PAWR: variants seen among roughly 807,000 people sequenced by gnomAD.
PAWR encodes pro-apoptotic WT1 regulator.
In PAWR, 23 loss-of-function variants were observed where a neutral mutation model predicts 32.0. The observed-to-expected ratio is 0.72, with a 90% CI of 0.52 to 1.02. PAWR has a LOEUF of 1.02. Ranked by LOEUF, PAWR falls within the 50% of genes least tolerant of loss-of-function variation. The probability of loss-of-function intolerance (pLI) is 0.00; values close to 1 mark genes in which losing one functional copy is unlikely to be tolerated. For missense variants in PAWR, 457 were observed against 437.7 expected (o/e 1.04, Z -0.39); for synonymous variants, 226 against 187.1 (o/e 1.21, Z -1.70).
At chr12:79,684,648 G>C (rs954896464) in intron 2 of PAWR, among the ~76,000 whole-genome samples, 1 of 151,756 alleles carries the variant, frequency 6.6e-6, no homozygotes, top group Admixed American at 6.6e-5. Context: ...AAAAAACAAA[G>C]AAAATAGTAT....
chr12:79,602,646 T>C (rs755893235), intron 4 of PAWR, among the ~76,000 whole-genome samples: 7 of 152,220 alleles, frequency 4.6e-5, no homozygotes, highest in Non-Finnish European at 8.8e-5. Context: ...TGTCAACTAC[T>C]GAAATCCATC....
intron 4 of PAWR, among the ~76,000 whole-genome samples, chr12:79,608,666 C>T (rs1213000181): frequency 6.6e-6 from 1 of 152,188 alleles, no homozygotes; most frequent in Non-Finnish European, 1.5e-5. Context: ...ATTTAGTTTA[C>T]TGAACCATCT....
At chr12:79,619,286 C>T (rs941130022) in intron 3 of PAWR, among the ~76,000 whole-genome samples, 1 of 152,106 alleles carries the variant, frequency 6.6e-6, no homozygotes, top group Non-Finnish European at 1.5e-5. Flanking sequence ...GTTGTGGTAT[C>T]CCAGTGATTG....
intron 2 of PAWR, among the ~76,000 whole-genome samples, chr12:79,683,602 C>G (rs1878544783): frequency 6.7e-6 from 1 of 150,168 alleles, no homozygotes; most frequent in Non-Finnish European, 1.5e-5. Context: ...GCAGTGGAAA[C>G]TCCTTTTTTT....
intron 4 of PAWR, among the ~76,000 whole-genome samples, chr12:79,608,174 C>T (rs1418940950): frequency 1.3e-5 from 2 of 152,032 alleles, no homozygotes; most frequent in Non-Finnish European, 2.9e-5. Flanking sequence ...AAACTTGAAC[C>T]GGTTCTAGTC....
At chr12:79,688,383 C>A (rs887378252) in intron 2 of PAWR, 2 of 150,512 alleles carry the variant, frequency 1.3e-5, no homozygotes, top group African/African-American at 2.4e-5. Flanking sequence ...TTTGGATCAT[C>A]AGCTACTTTT....
chr12:79,689,791 C>A lies in PAWR; in HGVS notation c.454G>T (p.Glu152Ter). 6.3e-7 allele frequency: 1 copy of A among 1,594,856 alleles called. No individual in the cohort carries two copies. ...CGCTTCTCCCGCAGCTTCCTCTTCTCGATCTGCCCCTTGCCTTTCCTGGCA... is the reference window on the plus strand; with the variant it reads ...CGCTTCTCCCGCAGCTTCCTCTTCTAGATCTGCCCCTTGCCTTTCCTGGCA... ...PSARKGKGQI[E>*]KRKLREKRRS... The change falls in exon 2 of 7, where the codon GAG becomes TAG. Residue 152 changes from glutamate to a stop codon, truncating the protein, a stop_gained. Coordinates refer to ENST00000328827, the MANE Select transcript of PAWR (RefSeq NM_002583.4). LOFTEE classifies it high-confidence loss of function.
At position 79,607,917 on chromosome 12, in the gene PAWR, C is replaced by T. The variant is rs182529146; in HGVS notation, c.683+5658G>A. Reference sequence around the variant, plus strand: ...ATACAAAATTAACCGGGCATGGGGGCGCATGCCTGTAATCCCAGCTACTCA... The same window carrying T: ...ATACAAAATTAACCGGGCATGGGGGTGCATGCCTGTAATCCCAGCTACTCA... On this transcript the variant is annotated intron_variant, in intron 4 of 6. Coordinates refer to ENST00000328827, the MANE Select transcript of PAWR (RefSeq NM_002583.4). 1.4e-4 allele frequency among the ~76,000 whole-genome samples: 21 copies of T among 151,646 alleles called. 1 individual carries two copies. The highest frequency in any genetic ancestry group is 4.6e-4 in the Admixed American group (7 of 15,210).
rs1288474558 is a variant in PAWR, at chr12:79,590,542, T to C, written c.*2065A>G. ...TTTTTTAAGTGAAATGAAATGTTCC[T>C]TTATTTACATATGAATTAAATAGAA... On this transcript the variant is annotated 3_prime_UTR_variant, in exon 7 of 7. Transcript: ENST00000328827. 1.3e-5 allele frequency: 2 copies of C among 152,242 alleles called. No individual in the cohort carries two copies. The highest frequency in any genetic ancestry group is 3.8e-4 in the East Asian group (2 of 5,204). 9.4% of individuals were successfully genotyped at this position (152,242 alleles called of 1,614,324 possible). A position where few individuals can be genotyped will look rare whatever the true frequency, so the allele number is the denominator to read the frequency against.
At chr12:79,645,386 C>A (rs1876527581) in intron 2 of PAWR, among the ~76,000 whole-genome samples, 1 of 152,054 alleles carries the variant, frequency 6.6e-6, no homozygotes, top group African/African-American at 2.4e-5. Flanking sequence ...GTTTGGGTAC[C>A]TTTGCAGCAT....
rs1298166623 is a variant in PAWR, at chr12:79,632,354, TATATATA to T, written c.517-11154_517-11148del. ...ATATATATATATATATATATATATA[TATATATA>T]TTTTTTTTTTTTTTTAGACAGGGTC... On this transcript the variant is annotated intron_variant, in intron 2 of 6. Transcript: ENST00000328827. Among the ~76,000 whole-genome samples, 312 of 52,054 alleles carry T rather than the reference TATATATA, an allele frequency of 6.0e-3. 7 individuals carry two copies. The highest frequency in any genetic ancestry group is 6.8e-3 in the Non-Finnish European group (207 of 30,550). 34.1% of individuals were successfully genotyped at this position (52,054 alleles called of 152,430 possible).
chr12:79,613,518 T>C, intron 4 of PAWR, 57 bp downstream of exon 4: 2 of 903,078 alleles, frequency 2.2e-6, no homozygotes, highest in Admixed American at 3.9e-5. Flanking sequence ...GTTAAGTCAA[T>C]GTCAGACAGA....
intron 2 of PAWR, chr12:79,635,583 G>T (rs961175409): frequency 6.6e-6 from 1 of 152,114 alleles, no homozygotes; most frequent in Non-Finnish European, 1.5e-5. Flanking sequence ...TACAGGATTT[G>T]TAAATGTATA....
At chr12:79,620,343 G>C (rs970399592) in intron 3 of PAWR, among the ~76,000 whole-genome samples, 102 of 152,182 alleles carry the variant, frequency 6.7e-4, no homozygotes, top group African/African-American at 2.4e-3. Flanking sequence ...AGAGCAACGT[G>C]AGAAAACACA....
At chr12:79,681,772 A>C (rs1878460131) in intron 2 of PAWR, among the ~76,000 whole-genome samples, 1 of 152,216 alleles carries the variant, frequency 6.6e-6, no homozygotes, top group Non-Finnish European at 1.5e-5. Flanking sequence ...ACTTTTGCTT[A>C]CATTATAGGA....
chr12:79,625,200 T>C (rs1875228888), intron 2 of PAWR, among the ~76,000 whole-genome samples: 1 of 152,146 alleles, frequency 6.6e-6, no homozygotes. Context: ...CATTTCTCTA[T>C]AGGTTAATCT....
intron 2 of PAWR, among the ~76,000 whole-genome samples, chr12:79,674,897 G>A (rs1241019323): frequency 6.6e-6 from 1 of 152,114 alleles, no homozygotes; most frequent in Non-Finnish European, 1.5e-5. Flanking sequence ...CTATTAAAAA[G>A]CCAAAAATCC....
chr12:79,659,019 T>C lies in PAWR; in HGVS notation c.516+30710A>G, dbSNP rs146508095. Among the ~76,000 whole-genome samples the C allele has an allele frequency of 4.1e-3, 621 of 151,564 alleles. 12 individuals carry two copies. Among genetic ancestry groups the C allele is most frequent in the African/African-American group, 0.014 (589 of 41,322 alleles). Reference sequence around the variant, plus strand: ...AGAAAAAAAACCACACACATCTGGCTGGGCACAGAGGCTCACGCCTGTTAT... The same window carrying C: ...AGAAAAAAAACCACACACATCTGGCCGGGCACAGAGGCTCACGCCTGTTAT... On this transcript the variant is annotated intron_variant, in intron 2 of 6. Coordinates refer to ENST00000328827, the MANE Select transcript of PAWR (RefSeq NM_002583.4).
chr12:79,596,742 A>G, intron 4 of PAWR, 84 bp from the exon 5 acceptor site: 2 of 845,582 alleles, frequency 2.4e-6, no homozygotes, highest in Non-Finnish European at 3.6e-6. Flanking sequence ...GCTTAAAAAA[A>G]TTAACATTCC....
Sources: allele counts gnomAD v4.1 joint callset (sites outside exome capture counted in the v4.1 genomes callset), GRCh38; gene constraint gnomAD v4.1.1; transcripts MANE v1.5; gene names NCBI Gene and HGNC (gene_info 2026-07-23, HGNC 2026-07-21).